Variants in NEBL observed in about 807,000 individuals in gnomAD.
NEBL encodes the protein nebulette, also known as LIM and SH3 protein 2.
NEBL carries 122 observed loss-of-function variants against 140.2 expected under a neutral mutation model. The ratio of observed to expected loss-of-function variants is 0.87; its 90% CI spans 0.75 to 1.01. NEBL has a LOEUF of 1.01. Among genes scored for constraint, NEBL ranks in the 50% least tolerant of loss-of-function variants. The pLI, the probability that NEBL is intolerant of heterozygous loss-of-function variation, is 0.00. For synonymous variants in NEBL, 436 were observed against 398.9 expected (o/e 1.09, Z -1.11); for missense variants, 1,365 against 1,231.3 (o/e 1.11, Z -1.62).
At chr10:21,251,234 C>A (rs543614997) in intron 2 of NEBL, among the ~76,000 whole-genome samples, 3 of 152,226 alleles carry the variant, frequency 2.0e-5, no homozygotes, top group Non-Finnish European at 2.9e-5. Flanking sequence ...ATTTTAACCT[C>A]AAAATTAGTA....
intron 3 of NEBL, among the ~76,000 whole-genome samples, chr10:20,984,948 C>A (rs903177858): frequency 1.3e-5 from 2 of 152,142 alleles, no homozygotes; most frequent in Admixed American, 1.3e-4. Flanking sequence ...TGTGAAGAAT[C>A]TAGGTTGCTT....
At chr10:20,914,334 T>C (rs868071191) in intron 4 of NEBL, among the ~76,000 whole-genome samples, 8 of 152,298 alleles carry the variant, frequency 5.3e-5, no homozygotes, top group Middle Eastern at 3.4e-3. Flanking sequence ...CCTTAAAAGA[T>C]ACAGTGAACA....
At chr10:21,245,463 G>T (rs1198726918) in intron 3 of NEBL, among the ~76,000 whole-genome samples, 1 of 152,144 alleles carries the variant, frequency 6.6e-6, no homozygotes, top group African/African-American at 2.4e-5. Flanking sequence ...GCCCCGGTAG[G>T]GAAGTAGGGA....
At position 20,845,290 on chromosome 10, in the gene NEBL, G is replaced by T. The variant is rs369621860; in HGVS notation, c.1195C>A (p.His399Asn). Residue 399 changes from histidine to asparagine, a missense_variant, in exon 12 of 28, where the codon CAT becomes AAT. His to Asn is a moderately conservative substitution (Grantham distance 68). Transcript: ENST00000377122. ...LDLDKTPEFL[H>N]VKYITNLLRE... The stretch of plus-strand genomic sequence containing the variant: ...AGAAGGTTGGTGATGTACTTTACAT[G>T]TAAAAATTCTGGAGTCTTGTCTAAA... 2 of 1,597,290 alleles carry T rather than the reference G, an allele frequency of 1.3e-6. No individual in the cohort carries two copies. The highest frequency in any genetic ancestry group is 1.7e-6 in the Non-Finnish European group (2 of 1,165,142).
At chr10:20,921,546 T>A (rs1430242464) in intron 4 of NEBL, among the ~76,000 whole-genome samples, 2 of 152,136 alleles carry the variant, frequency 1.3e-5, no homozygotes, top group Admixed American at 6.6e-5. Context: ...CAGCATCCCC[T>A]CCCACAATTC....
intron 4 of NEBL, among the ~76,000 whole-genome samples, chr10:20,882,822 C>T (rs1194203622): frequency 6.6e-6 from 1 of 152,096 alleles, no homozygotes; most frequent in Non-Finnish European, 1.5e-5. Flanking sequence ...AAAACTTCCA[C>T]TGAAAGAGAA....
At chr10:21,137,815 T>C (rs1839423981) in intron 2 of NEBL, among the ~76,000 whole-genome samples, 1 of 151,632 alleles carries the variant, frequency 6.6e-6, no homozygotes, top group Non-Finnish European at 1.5e-5. Flanking sequence ...TTATGGTATG[T>C]GCTTGTGATC....
At chr10:21,150,642 T>A (rs1249804990) in intron 2 of NEBL, among the ~76,000 whole-genome samples, 1 of 152,182 alleles carries the variant, frequency 6.6e-6, no homozygotes, top group Non-Finnish European at 1.5e-5. Context: ...ATTTCCATAT[T>A]TCAAAAGTTT....
intron 3 of NEBL, among the ~76,000 whole-genome samples, chr10:21,238,153 A>T (rs1842384928): frequency 6.6e-6 from 1 of 152,196 alleles, no homozygotes; most frequent in African/African-American, 2.4e-5. Flanking sequence ...CTCAACTTTC[A>T]GGTGTGGTAT....
chr10:21,063,882 A>C (rs535185987), intron 2 of NEBL, among the ~76,000 whole-genome samples: 17 of 142,672 alleles, frequency 1.2e-4, no homozygotes, highest in African/African-American at 4.2e-4. Context: ...AAAATAAATA[A>C]ACAAATAAAT....
At chr10:21,134,398 T>TA (rs2132077901) in intron 2 of NEBL, among the ~76,000 whole-genome samples, 1 of 152,334 alleles carries the variant, frequency 6.6e-6, no homozygotes, top group Non-Finnish European at 1.5e-5. Context: ...GCAACAGTGT[T>TA]AAAAACCTTT....
intron 26 of NEBL, among the ~76,000 whole-genome samples, chr10:20,799,513 C>CT (rs369391342): frequency 6.6e-6 from 1 of 152,156 alleles, no homozygotes; most frequent in African/African-American, 2.4e-5. Flanking sequence ...GAAGATAGCA[C>CT]TTTTTTGGAC....
At chr10:21,263,566 G>A (rs187876905) in intron 1 of NEBL, among the ~76,000 whole-genome samples, 294 of 152,232 alleles carry the variant, frequency 1.9e-3, no homozygotes, top group African/African-American at 6.8e-3. Context: ...CTATCTCCCC[G>A]GGGGTTAGTT....
rs1361452 is a variant in NEBL, at chr10:20,981,867, C to A, written c.250-20088G>T. Among the ~76,000 whole-genome samples the A allele has an allele frequency of 0.023, 3,551 of 152,200 alleles. 399 individuals are homozygous for A. The East Asian group carries it at 0.36, about 15-fold the overall frequency. On this transcript the variant is annotated intron_variant, in intron 3 of 6. Coordinates refer to the NEBL transcript ENST00000417816. Reference sequence around the variant, plus strand: ...CTATGAGCCCCTCTTAGCAGCCTTGCCCTAATGCCAGTTTCACCTCCCTGG... The same window carrying A: ...CTATGAGCCCCTCTTAGCAGCCTTGACCTAATGCCAGTTTCACCTCCCTGG...
At chr10:20,902,262 T>C (rs959197008), upstream of NEBL, among the ~76,000 whole-genome samples, 2 of 151,960 alleles carry the variant, frequency 1.3e-5, no homozygotes, top group Non-Finnish European at 2.9e-5. Flanking sequence ...AAAAATTAGC[T>C]GGGCATGGTG....
chr10:21,164,250 A>T (rs551795453), intron 2 of NEBL, among the ~76,000 whole-genome samples: 4 of 152,348 alleles, frequency 2.6e-5, no homozygotes, highest in African/African-American at 9.6e-5. Flanking sequence ...AACTATAAGA[A>T]CTGAAACAGA....
At chr10:21,120,393 C>CATATATATATATATATATATATATAT (rs1201775144) in intron 2 of NEBL, among the ~76,000 whole-genome samples, 1 of 59,532 alleles carries the variant, frequency 1.7e-5, no homozygotes, top group Non-Finnish European at 2.6e-5. Context: ...AAAAAAAATA[C>CATATATATATATATATATATATATAT]ATATATATAT....
At chr10:21,029,183 T>G in intron 2 of NEBL, 1 of 1,378,046 alleles carries the variant, frequency 7.3e-7, no homozygotes, top group East Asian at 2.3e-5. Flanking sequence ...GATAACAATG[T>G]GTATAGGGCG....
intron 2 of NEBL, among the ~76,000 whole-genome samples, chr10:21,073,500 CG>C (rs2131910882): frequency 6.6e-6 from 1 of 151,280 alleles, no homozygotes; most frequent in Admixed American, 6.6e-5. Context: ...ACTTGTAATC[CG>C]AGCTACTCAG....
Sources: allele counts gnomAD v4.1 joint callset (sites outside exome capture counted in the v4.1 genomes callset), GRCh38; gene constraint gnomAD v4.1.1; transcripts MANE v1.5; gene names NCBI Gene and HGNC (gene_info 2026-07-23, HGNC 2026-07-21).